Variants in NUP85 observed in about 807,000 individuals in gnomAD.
NUP85 encodes nucleoporin 85.
In NUP85, 23 loss-of-function variants were observed where a neutral mutation model predicts 92.8. That is an observed-to-expected ratio of 0.25 (90% CI 0.18 to 0.35). The LOEUF (loss-of-function observed/expected upper bound fraction) is 0.35. NUP85 is among the 10% of genes least tolerant of loss of function. The pLI, the probability that NUP85 is intolerant of heterozygous loss-of-function variation, is 1.00. For synonymous variants in NUP85, 314 were observed against 306.9 expected (o/e 1.02, Z -0.24); for missense variants, 759 against 822.8 (o/e 0.92, Z 0.95).
intron 11 of NUP85, among the ~76,000 whole-genome samples, chr17:75,229,354 C>T (rs1433389674): frequency 1.3e-5 from 2 of 152,166 alleles, no homozygotes; most frequent in African/African-American, 4.8e-5. Context: ...AAGGAGTTGA[C>T]AGTGACCTTA....
Position 75,229,437 on chromosome 17 carries a change from A to G in NUP85, c.1095-1903A>G, listed in dbSNP as rs79594820. Among the ~76,000 whole-genome samples the G allele has an allele frequency of 6.6e-4, 101 of 152,048 alleles. No homozygotes were observed. In the East Asian group the frequency reaches 7.9e-3, roughly 12 times the overall value. On this transcript the variant is annotated intron_variant, in intron 11 of 18. Coordinates refer to ENST00000245544, the MANE Select transcript of NUP85 (RefSeq NM_024844.5). ...ACCTTCACCGTAGCTGGTCTTCCCA[A>G]CTCCGCAGCGTTCTCTCGTTTTCAG...
chr17:75,228,374 A>G, intron 11 of NUP85: 1 of 985,382 alleles, frequency 1.0e-6, no homozygotes. Context: ...GCAGGAAGGG[A>G]TCTGAGCTCT....
At chr17:75,228,006 A>C (rs915887752) in intron 11 of NUP85, 1 of 167,662 alleles carries the variant, frequency 6.0e-6, no homozygotes, top group African/African-American at 2.4e-5. Flanking sequence ...CCCTGCATGG[A>C]AGAATTAGTG....
Position 75,231,522 on chromosome 17 carries a change from C to T in NUP85, c.1179-51C>T. ...GAAAGGGAGGTTGGGCTAAGGGGGCCCTGAACAGGGCAGGCCAGGAGTCTT... is the reference window on the plus strand; with the variant it reads ...GAAAGGGAGGTTGGGCTAAGGGGGCTCTGAACAGGGCAGGCCAGGAGTCTT... On this transcript the variant is annotated intron_variant, in intron 12 of 18. Coordinates refer to ENST00000245544, the MANE Select transcript of NUP85 (RefSeq NM_024844.5). The surrounding 1 kb of genome is among the most constrained non-coding windows in gnomAD (Gnocchi z 4.6). 1 of 1,611,582 alleles carries T rather than the reference C, an allele frequency of 6.2e-7. No individual in the cohort carries two copies. The highest frequency in any genetic ancestry group is 8.5e-7 in the Non-Finnish European group (1 of 1,177,678).
chr17:75,230,428 C>T (rs1326582203), intron 11 of NUP85, among the ~76,000 whole-genome samples: 3 of 149,386 alleles, frequency 2.0e-5, no homozygotes, highest in Non-Finnish European at 3.0e-5. Flanking sequence ...GGCGCGATCT[C>T]GTCTCACTGC....
At chr17:75,224,924 T>C (rs2075729233) in intron 7 of NUP85, among the ~76,000 whole-genome samples, 179 bp from the exon 8 acceptor site, 1 of 151,774 alleles carries the variant, frequency 6.6e-6, no homozygotes, top group South Asian at 2.1e-4. Flanking sequence ...AGATTGGATG[T>C]GATAGATTAC....
At chr17:75,220,020 C>G (rs1313237683) in intron 7 of NUP85, among the ~76,000 whole-genome samples, 5 of 152,074 alleles carry the variant, frequency 3.3e-5, no homozygotes, top group African/African-American at 1.2e-4. Context: ...GTCACTGAGA[C>G]TTTAGCTTTT....
chr17:75,235,245 A>G (rs760933421), intron 18 of NUP85, 44 bp downstream of exon 18: 38 of 1,434,150 alleles, frequency 2.6e-5, no homozygotes, highest in Non-Finnish European at 3.7e-5. Context: ...GGAGGTGGGA[A>G]AAGGCTCCCT....
intron 10 of NUP85, 91 bp downstream of exon 10, chr17:75,225,920 G>A: frequency 1.3e-6 from 2 of 1,596,728 alleles, no homozygotes; most frequent in Non-Finnish European, 1.7e-6. Context: ...CTGAGGAACA[G>A]GAAGACCCTT....
intron 4 of NUP85, among the ~76,000 whole-genome samples, 185 bp downstream of exon 4, chr17:75,212,247 G>GTTGTTGTTGTTTTTTTTT (rs2075293857): frequency 8.2e-4 from 3 of 3,668 alleles, no homozygotes; most frequent in African/African-American, 1.0e-3. Context: ...TTTTGTTGTT[G>GTTGTTGTTGTTTTTTTTT]TTTTTTTTTT....
At chr17:75,235,508 C>A in intron 18 of NUP85, 70 bp from the exon 19 acceptor site, 1 of 1,100,514 alleles carries the variant, frequency 9.1e-7, no homozygotes, top group African/African-American at 1.6e-5. Context: ...TTTGGATTAG[C>A]TAGACCCTTC....
intron 2 of NUP85, among the ~76,000 whole-genome samples, chr17:75,209,477 C>A (rs1458735789): frequency 6.7e-6 from 1 of 148,690 alleles, no homozygotes; most frequent in Admixed American, 6.7e-5. Flanking sequence ...GACGGAGTCT[C>A]GCTCTGTCCA....
At chr17:75,215,603 G>A in intron 5 of NUP85, 151 bp from the exon 6 acceptor site, 2 of 645,682 alleles carry the variant, frequency 3.1e-6, no homozygotes, top group South Asian at 1.9e-5. Context: ...CCTCACGCTG[G>A]CTCCCCTGTG....
At chr17:75,229,035 A>G (rs2075937369) in intron 11 of NUP85, 1 of 985,368 alleles carries the variant, frequency 1.0e-6, no homozygotes, top group Non-Finnish European at 1.2e-6. Context: ...GCTGTCTGGC[A>G]AGAGGAAACA....
At chr17:75,218,106 G>T in intron 6 of NUP85, 79 bp from the exon 7 acceptor site, 2 of 1,594,890 alleles carry the variant, frequency 1.3e-6, no homozygotes, top group South Asian at 1.1e-5. Context: ...CTGCCTTAAA[G>T]TTCTCTGTTC....
chr17:75,235,161 G>T lies in NUP85; in HGVS notation c.1829G>T (p.Arg610Ile), dbSNP rs926504939. The T allele has an allele frequency of 6.2e-6, 10 of 1,614,024 alleles. No individual in the cohort carries two copies. The highest frequency in any genetic ancestry group is 7.6e-6 in the Non-Finnish European group (9 of 1,180,010). ...LMRCLEDLTSRRPVHGESDTE... is the reference protein window; with the variant it reads ...LMRCLEDLTSIRPVHGESDTE... The stretch of plus-strand genomic sequence containing the variant: ...CGGTGTCTGGAGGACTTGACGTCAA[G>T]AAGACCTGTGCATGGAGAATCTGAT... The change falls in exon 18 of 19, where the codon AGA becomes ATA. Residue 610 changes from arginine (R) to isoleucine (I), a missense_variant. Coordinates refer to ENST00000245544, the MANE Select transcript of NUP85 (RefSeq NM_024844.5).
intron 3 of NUP85, among the ~76,000 whole-genome samples, chr17:75,211,609 C>G (rs2145277990): frequency 6.6e-6 from 1 of 152,052 alleles, no homozygotes; most frequent in South Asian, 2.1e-4. Flanking sequence ...GTTGGCCAGG[C>G]TGGTCTCAAA....
chr17:75,221,327 T>C (rs1045759295), intron 7 of NUP85, among the ~76,000 whole-genome samples: 1 of 151,846 alleles, frequency 6.6e-6, no homozygotes, highest in South Asian at 2.1e-4. Context: ...TTAGTAGAGA[T>C]GGGGTTTTGC....
chr17:75,212,127 A>T (rs2075283281), intron 4 of NUP85, 65 bp downstream of exon 4: 6 of 1,158,958 alleles, frequency 5.2e-6, no homozygotes, highest in Non-Finnish European at 5.0e-6. Flanking sequence ...TTGAGTATTT[A>T]TCTATGCATA....
Sources: gnomAD v4.1 joint callset for allele counts (sites outside exome capture counted in the v4.1 genomes callset) on GRCh38, gnomAD v4.1.1 for gene constraint, Gnocchi (gnomAD v3.1) non-coding constraint, MANE v1.5 for transcripts, NCBI Gene and HGNC (gene_info 2026-07-23, HGNC 2026-07-21) for gene names.